DNAH3: variants seen among roughly 807,000 people sequenced by gnomAD.
DNAH3 encodes dynein axonemal heavy chain 3.
In DNAH3, 332 loss-of-function variants were observed where a neutral mutation model predicts 432.5. The ratio of observed to expected loss-of-function variants is 0.77; its 90% CI spans 0.70 to 0.84. DNAH3 has a LOEUF of 0.84. DNAH3 is among the 40% of genes least tolerant of loss of function. The probability of loss-of-function intolerance (pLI) is 0.00; values close to 1 mark genes in which losing one functional copy is unlikely to be tolerated. For missense variants in DNAH3, 4,861 were observed against 5,114.0 expected, an observed-to-expected ratio of 0.95 and a Z score of 1.51; for synonymous variants, 1,956 against 1,900.2, an observed-to-expected ratio of 1.03 and a Z score of -0.76.
chr16:21,107,332 C>G (rs190762760), intron 14 of DNAH3, among the ~76,000 whole-genome samples: 1 of 149,426 alleles, frequency 6.7e-6, no homozygotes, highest in African/African-American at 2.5e-5. Context: ...CTCTGCTTCC[C>G]GGGCTCAAGC....
intron 18 of DNAH3, among the ~76,000 whole-genome samples, chr16:21,097,030 G>A (rs1803932836): frequency 6.6e-6 from 1 of 152,102 alleles, no homozygotes; most frequent in African/African-American, 2.4e-5. Context: ...GTTTACAAAT[G>A]TCTATGGCAC....
At position 20,946,495 on chromosome 16, in the gene DNAH3, C is replaced by A. The variant is rs557145059; in HGVS notation, c.11344-1832G>T. Among the ~76,000 whole-genome samples, 4 of 152,318 alleles carry A rather than the reference C, an allele frequency of 2.6e-5. No homozygotes were observed. The East Asian group carries it at 7.7e-4, about 29-fold the overall frequency. The stretch of plus-strand genomic sequence containing the variant: ...ATCTCCTGAGGGCTGTGTCACGGGC[C>A]ATGGTCACTCATATTTGGCTCAGTA... On this transcript the variant is annotated intron_variant, in intron 57 of 61. Coordinates refer to ENST00000261383, the Ensembl canonical transcript of DNAH3.
At chr16:21,080,213 C>A (rs1345530021) in intron 20 of DNAH3, among the ~76,000 whole-genome samples, 1 of 152,194 alleles carries the variant, frequency 6.6e-6, no homozygotes. Context: ...AGGAGAATCA[C>A]TTGAACCTGG....
In DNAH3 at chr16:21,111,735, A is replaced by G. The variant is rs957046797; in HGVS notation, c.1990T>C (p.Phe664Leu). The change falls in exon 14 of 62, where the codon TTC becomes CTC. Residue 664 changes from phenylalanine (F) to leucine (L), a missense_variant. Physicochemically the swap from Phe to Leu is conservative, Grantham distance 22. Coordinates refer to ENST00000261383, the Ensembl canonical transcript of DNAH3. Reference sequence around the variant, plus strand: ...TTTAGGGCCGTAGCATCAAGGCAGAACATGGCTAAAGGCACGGTGATGTTC... The same window carrying G: ...TTTAGGGCCGTAGCATCAAGGCAGAGCATGGCTAAAGGCACGGTGATGTTC... 2.5e-6 allele frequency: 4 copies of G among 1,613,918 alleles called. No homozygotes were observed. In the African/African-American group the frequency reaches 4.0e-5, roughly 16 times the overall value.
intron 12 of DNAH3, 118 bp downstream of exon 12, chr16:21,117,085 T>G: frequency 1.5e-6 from 1 of 662,888 alleles, no homozygotes; most frequent in East Asian, 2.7e-5. Flanking sequence ...GTATTGGCTA[T>G]TCTTACTATG....
At chr16:21,115,766 A>T (rs926522527) in intron 12 of DNAH3, among the ~76,000 whole-genome samples, 175 of 150,222 alleles carry the variant, frequency 1.2e-3, no homozygotes, top group African/African-American at 4.1e-3. Flanking sequence ...TAAAATAAAT[A>T]AAATAAAATA....
At chr16:20,936,139 G>A (rs919917961) in intron 60 of DNAH3, among the ~76,000 whole-genome samples, 3 of 150,816 alleles carry the variant, frequency 2.0e-5, no homozygotes, top group African/African-American at 4.9e-5. Context: ...TCTATCTCAT[G>A]AGCCACCAGT....
chr16:20,944,412 T>C, intron 58 of DNAH3, 84 bp downstream of exon 58: 1 of 1,516,046 alleles, frequency 6.6e-7, no homozygotes, highest in Non-Finnish European at 9.1e-7. Flanking sequence ...CTCTGCCTCT[T>C]GGTCACCCTC....
intron 37 of DNAH3, 56 bp downstream of exon 37, chr16:21,030,989 C>T: frequency 6.3e-7 from 1 of 1,582,266 alleles, no homozygotes; most frequent in Non-Finnish European, 8.7e-7. Flanking sequence ...TCACTTACTT[C>T]AATAAAAGAG....
At chr16:21,097,212 G>C in intron 18 of DNAH3, 143 bp downstream of exon 18, 1 of 973,226 alleles carries the variant, frequency 1.0e-6, no homozygotes, top group East Asian at 2.5e-5. Context: ...AGATAATTTT[G>C]ACTGTGGCTG....
intron 19 of DNAH3, among the ~76,000 whole-genome samples, chr16:21,082,140 TCCTCCCACCA>T: frequency 6.6e-6 from 1 of 152,126 alleles, no homozygotes; most frequent in East Asian, 1.9e-4. Flanking sequence ...CCTCAAGCGA[TCCTCCCACCA>T]TAGCCTCCCA....
intron 57 of DNAH3, among the ~76,000 whole-genome samples, chr16:20,946,425 A>G (rs777279646): frequency 2.6e-5 from 4 of 152,180 alleles, no homozygotes; most frequent in Non-Finnish European, 4.4e-5. Context: ...TCTCCCTAAA[A>G]TGTATAAAAT....
At chr16:21,015,590 A>G (rs1046494050) in intron 41 of DNAH3, among the ~76,000 whole-genome samples, 12 of 152,178 alleles carry the variant, frequency 7.9e-5, no homozygotes, top group African/African-American at 2.4e-4. Flanking sequence ...TGGTTCATCA[A>G]TTGTAACTAT....
intron 51 of DNAH3, among the ~76,000 whole-genome samples, chr16:20,971,277 G>T (rs1391603194): frequency 2.6e-5 from 4 of 151,922 alleles, no homozygotes; most frequent in Non-Finnish European, 5.9e-5. Flanking sequence ...TTTCTTAAAG[G>T]CAAATTAGGA....
intron 1 of DNAH3, among the ~76,000 whole-genome samples, chr16:21,157,622 A>G (rs889265857): frequency 8.6e-5 from 13 of 151,886 alleles, no homozygotes; most frequent in African/African-American, 3.1e-4. Context: ...GAGCCACCGC[A>G]CCCTGCCAGC....
chr16:21,107,815 G>A (rs1258104581), intron 14 of DNAH3, among the ~76,000 whole-genome samples: 1 of 151,774 alleles, frequency 6.6e-6, no homozygotes, highest in African/African-American at 2.4e-5. Context: ...CTCAACAAAT[G>A]TTAGCAATGA....
intron 39 of DNAH3, among the ~76,000 whole-genome samples, chr16:21,023,841 G>A (rs536939545): frequency 2.0e-5 from 3 of 151,450 alleles, no homozygotes; most frequent in South Asian, 2.1e-4. Context: ...GAATGTGCAC[G>A]TGGATATGTA....
intron 56 of DNAH3, among the ~76,000 whole-genome samples, chr16:20,949,260 T>C (rs2084200483): frequency 1.2e-5 from 1 of 83,698 alleles, no homozygotes; most frequent in Non-Finnish European, 2.2e-5. Flanking sequence ...AGGGAGACTG[T>C]CTCAAAAAAA....
chr16:20,964,259 C>T lies in DNAH3; in HGVS notation c.9625G>A (p.Val3209Met), dbSNP rs139905236. 41 of 1,614,030 alleles carry T rather than the reference C, an allele frequency of 2.5e-5. No individual in the cohort carries two copies. In the African/African-American group the frequency reaches 3.7e-4, roughly 15 times the overall value. ...AGCTCTGGCTTCTCCTTCGCAGCCA[C>T]GATGCCAAGGAGTTGATCTTGGAGA... The change falls in exon 53 of 62, where the codon GTG becomes ATG. Residue 3209 changes from valine (V) to methionine (M), a missense_variant. Physicochemically the swap from Val to Met is conservative, Grantham distance 21 (BLOSUM62 1). Transcript: ENST00000261383.
Sources: gnomAD v4.1 joint callset for allele counts (sites outside exome capture counted in the v4.1 genomes callset) on GRCh38, gnomAD v4.1.1 for gene constraint, MANE v1.5 for transcripts, NCBI Gene and HGNC (gene_info 2026-07-23, HGNC 2026-07-21) for gene names.